The following PLPPR5 variants were observed in gnomAD, a reference collection of about 807,000 sequenced individuals.
The protein encoded by PLPPR5 is phospholipid phosphatase-related protein type 5.
In PLPPR5, 16 loss-of-function variants were observed where a neutral mutation model predicts 33.9. That is an observed-to-expected ratio of 0.47 (90% CI 0.32 to 0.72). The LOEUF (loss-of-function observed/expected upper bound fraction) is 0.72, where lower values mean the gene tolerates loss of function less well. Among genes scored for constraint, PLPPR5 ranks in the 30% least tolerant of loss-of-function variants. The probability of loss-of-function intolerance (pLI) is 0.03; values close to 1 mark genes in which losing one functional copy is unlikely to be tolerated. For missense variants in PLPPR5, 301 were observed against 406.7 expected, an observed-to-expected ratio of 0.74 and a Z score of 2.23; for synonymous variants, 163 against 150.3, an observed-to-expected ratio of 1.08 and a Z score of -0.62.
At chr1:98,913,331 G>T (rs1479382109) in intron 5 of PLPPR5, among the ~76,000 whole-genome samples, 1 of 152,174 alleles carries the variant, frequency 6.6e-6, no homozygotes, top group Non-Finnish European at 1.5e-5. Context: ...TTAAAACTGT[G>T]TTGTCAAGAT....
At chr1:98,946,088 TAAATCC>T (rs1186103050) in intron 3 of PLPPR5, among the ~76,000 whole-genome samples, 1 of 152,176 alleles carries the variant, frequency 6.6e-6, no homozygotes, top group African/African-American at 2.4e-5. Flanking sequence ...GGAAACCAGC[TAAATCC>T]AAATCCAAAT....
chr1:98,990,498 T>G (rs1032205762), intron 1 of PLPPR5, among the ~76,000 whole-genome samples: 15 of 152,214 alleles, frequency 9.9e-5, no homozygotes, highest in African/African-American at 3.6e-4. Context: ...TATAGGAATG[T>G]GAAATAGTAA....
chr1:98,895,090 G>A (rs1051128607), intron 5 of PLPPR5, among the ~76,000 whole-genome samples: 1 of 152,044 alleles, frequency 6.6e-6, no homozygotes, highest in African/African-American at 2.4e-5. Flanking sequence ...GTGGTTTAAT[G>A]TGTCCACTAA....
At chr1:98,929,234 T>C (rs576988163) in intron 3 of PLPPR5, among the ~76,000 whole-genome samples, 70 of 152,300 alleles carry the variant, frequency 4.6e-4, no homozygotes, top group East Asian at 3.9e-4. Context: ...ACATAAGAAG[T>C]GTAAGTTTCA....
chr1:98,994,265 C>T (rs891122512), intron 1 of PLPPR5, among the ~76,000 whole-genome samples: 1 of 151,858 alleles, frequency 6.6e-6, no homozygotes, highest in Non-Finnish European at 1.5e-5. Context: ...GAGAGGGCAG[C>T]AAGAATGGAA....
chr1:98,965,501 T>C (rs1458943820), intron 1 of PLPPR5, among the ~76,000 whole-genome samples: 1 of 152,158 alleles, frequency 6.6e-6, no homozygotes, highest in Non-Finnish European at 1.5e-5. Flanking sequence ...TTTAATCAAT[T>C]ACCGTCTTTG....
chr1:98,995,297 C>T (rs1048626729), intron 1 of PLPPR5, among the ~76,000 whole-genome samples: 1 of 151,960 alleles, frequency 6.6e-6, no homozygotes, highest in Admixed American at 6.6e-5. Context: ...ACAATAGACA[C>T]TGGGGCCTAC....
chr1:98,953,340 A>C lies in PLPPR5; in HGVS notation c.371-20T>G. On this transcript the variant is annotated intron_variant, in intron 2 of 5. Coordinates refer to ENST00000263177, the MANE Select transcript of PLPPR5 (RefSeq NM_001037317.2). ...AAATTCCTGGGGAAGAAAACAAATA[A>C]TTTTAACTTCTTGCTTGTGTGTGTG... 6.3e-7 allele frequency: 1 copy of C among 1,587,012 alleles called. No homozygotes were observed. The highest frequency in any genetic ancestry group is 8.6e-7 in the Non-Finnish European group (1 of 1,166,934).
chr1:98,920,365 T>C (rs950745823), intron 4 of PLPPR5, among the ~76,000 whole-genome samples: 11 of 151,888 alleles, frequency 7.2e-5, no homozygotes, highest in Non-Finnish European at 1.5e-4. Context: ...GCTCTTGGCT[T>C]TGCCTATACT....
intron 3 of PLPPR5, among the ~76,000 whole-genome samples, chr1:98,926,447 AGT>A (rs60874366): frequency 0.18 from 24,219 of 132,184 alleles, 2,021 homozygotes; most frequent in Non-Finnish European, 0.2. Context: ...AGGTTTGATT[AGT>A]GTGTGTGTGT....
intron 1 of PLPPR5, among the ~76,000 whole-genome samples, chr1:98,970,299 G>T (rs1321383299): frequency 1.3e-5 from 2 of 151,962 alleles, no homozygotes; most frequent in African/African-American, 4.8e-5. Context: ...TTTGCAGTCT[G>T]GTCTCATTTG....
chr1:98,937,963 C>T (rs567298245), intron 3 of PLPPR5, among the ~76,000 whole-genome samples: 51 of 152,040 alleles, frequency 3.4e-4, no homozygotes, highest in Non-Finnish European at 6.5e-4. Flanking sequence ...CTGCATTACA[C>T]ATGGAAATTA....
intron 5 of PLPPR5, among the ~76,000 whole-genome samples, chr1:98,900,236 A>C (rs1381881631): frequency 6.6e-6 from 1 of 152,116 alleles, no homozygotes; most frequent in African/African-American, 2.4e-5. Flanking sequence ...AGCATCCTCA[A>C]GTTTCTTGCC....
chr1:98,896,842 TA>T (rs11350963), intron 5 of PLPPR5, among the ~76,000 whole-genome samples: 26,697 of 150,614 alleles, frequency 0.18, 2,568 homozygotes, highest in Non-Finnish European at 0.22. Context: ...GTCTGTAATT[TA>T]AAAAAAAAAT....
At chr1:98,959,228 C>T (rs949287180) in intron 1 of PLPPR5, among the ~76,000 whole-genome samples, 3 of 152,136 alleles carry the variant, frequency 2.0e-5, no homozygotes, top group African/African-American at 7.2e-5. Context: ...TTACCAGGGT[C>T]TTAACAGACC....
At chr1:98,903,223 A>G (rs891175986) in intron 5 of PLPPR5, among the ~76,000 whole-genome samples, 1 of 152,176 alleles carries the variant, frequency 6.6e-6, no homozygotes, top group Admixed American at 6.6e-5. Context: ...AGCCTAGATT[A>G]AGAAAAATGC....
intron 1 of PLPPR5, among the ~76,000 whole-genome samples, chr1:98,998,835 T>G (rs1240050308): frequency 2.0e-5 from 3 of 152,278 alleles, no homozygotes; most frequent in Non-Finnish European, 4.4e-5. Context: ...TATTTCTCAT[T>G]TATAAAATAA....
intron 3 of PLPPR5, among the ~76,000 whole-genome samples, chr1:98,926,798 C>T (rs144123197): frequency 1.3e-5 from 2 of 152,190 alleles, no homozygotes; most frequent in South Asian, 2.1e-4. Context: ...GCACTTTGCC[C>T]GAGATCTGTT....
At chr1:98,951,289 G>T (rs185628066) in intron 3 of PLPPR5, among the ~76,000 whole-genome samples, 4 of 152,258 alleles carry the variant, frequency 2.6e-5, no homozygotes, top group Admixed American at 2.6e-4. Context: ...TCTTGAATAG[G>T]AAAGAATATG....
Sources: allele counts gnomAD v4.1 joint callset (sites outside exome capture counted in the v4.1 genomes callset), GRCh38; gene constraint gnomAD v4.1.1; transcripts MANE v1.5; gene names NCBI Gene and HGNC (gene_info 2026-07-23, HGNC 2026-07-21).